AXIN1: variants seen among roughly 807,000 people sequenced by gnomAD.
AXIN1 encodes the protein axin-1.
Under a neutral mutation model 76.4 loss-of-function variants are expected in AXIN1, and 30 were observed. The ratio of observed to expected loss-of-function variants is 0.39; its 90% CI spans 0.29 to 0.53. AXIN1 has a LOEUF of 0.53. Among genes scored for constraint, AXIN1 ranks in the 20% least tolerant of loss-of-function variants. The pLI is 0.66. For missense variants in AXIN1, 1,140 were observed against 1,198.8 expected (o/e 0.95, Z 0.72); for synonymous variants, 545 against 501.4 (o/e 1.09, Z -1.16).
At chr16:341,423 G>T (rs751574893) in intron 2 of AXIN1, among the ~76,000 whole-genome samples, 27 of 152,258 alleles carry the variant, frequency 1.8e-4, no homozygotes, top group Non-Finnish European at 2.4e-4. Context: ...GGCTGCGGAG[G>T]GTGTGCTGGG....
At chr16:341,588 G>C (rs1471676354) in intron 2 of AXIN1, among the ~76,000 whole-genome samples, 1 of 152,254 alleles carries the variant, frequency 6.6e-6, no homozygotes, top group African/African-American at 2.4e-5. Context: ...TCCCCGACGA[G>C]CGCCCGGTCC....
At chr16:325,004 G>A (rs1597076744) in intron 2 of AXIN1, among the ~76,000 whole-genome samples, 3 of 152,308 alleles carry the variant, frequency 2.0e-5, no homozygotes, top group East Asian at 1.9e-4. Flanking sequence ...GGTGCTCAGC[G>A]GACCCGCACA....
At chr16:319,635 G>T (rs566427373) in intron 2 of AXIN1, among the ~76,000 whole-genome samples, 1 of 152,282 alleles carries the variant, frequency 6.6e-6, no homozygotes, top group Non-Finnish European at 1.5e-5. Flanking sequence ...GTGGAGAAAG[G>T]TGCTCCTCCT....
At chr16:291,604 G>A in intron 8 of AXIN1, 1 of 475,898 alleles carries the variant, frequency 2.1e-6, no homozygotes, top group South Asian at 2.0e-5. Context: ...ATCCCCTCTG[G>A]TGGGATGACA....
chr16:348,325 G>C (rs931099432), intron 1 of AXIN1, among the ~76,000 whole-genome samples: 2 of 152,220 alleles, frequency 1.3e-5, no homozygotes, highest in African/African-American at 4.8e-5. Flanking sequence ...AGCCTAGAGT[G>C]CTGAACAAGT....
In AXIN1 at chr16:304,323, C is replaced by T. The variant is rs774345751; in HGVS notation, c.1235G>A (p.Arg412Gln). The change falls in exon 5 of 11, where the codon CGG becomes CAG. Residue 412 changes from arginine to glutamine, a missense_variant. Around this residue, in one of 3 missense-constraint regions of AXIN1, gnomAD observed 708 missense variants for 776.9 expected, o/e 0.91. Transcript: ENST00000262320. Reference protein sequence around the residue: ...TREAEEKLEERLKRVRMEEEG... With the variant: ...TREAEEKLEEQLKRVRMEEEG... ...ACTCACCATGCGCACGCGCTTCAGC[C>T]GCTCCTCCAGCTTCTCCTCGGCCTC... 2.5e-5 allele frequency: 40 copies of T among 1,611,984 alleles called. No individual in the cohort carries two copies. Among genetic ancestry groups the T allele is most frequent in the Non-Finnish European group, 3.2e-5 (38 of 1,179,698 alleles).
At chr16:335,901 C>T (rs917760900) in intron 2 of AXIN1, among the ~76,000 whole-genome samples, 5 of 152,096 alleles carry the variant, frequency 3.3e-5, no homozygotes, top group African/African-American at 9.7e-5. Context: ...ATGAAAAAAA[C>T]GGCCATTATT....
chr16:320,954 G>A (rs890100928), intron 2 of AXIN1, among the ~76,000 whole-genome samples: 11 of 151,954 alleles, frequency 7.2e-5, no homozygotes, highest in South Asian at 2.1e-4. Flanking sequence ...TGGTCAGGCT[G>A]GTCTCGAACG....
At position 287,699 on chromosome 16, in the gene AXIN1, C is replaced by T. The variant is rs1016569946; in HGVS notation, c.*423G>A. 9 of 345,368 alleles carry T rather than the reference C, an allele frequency of 2.6e-5. No individual in the cohort carries two copies. The highest frequency in any genetic ancestry group is 4.4e-5 in the Admixed American group (1 of 22,836). 21.4% of individuals were successfully genotyped at this position (345,368 alleles called of 1,614,324 possible). The stretch of plus-strand genomic sequence containing the variant: ...GCTGTGTTGAAGGCACTCGGTGGCG[C>T]GTACAATTGACAGAGGCCCTGCAGG... On this transcript the variant is annotated 3_prime_UTR_variant, in exon 11 of 11. Coordinates refer to ENST00000262320, the MANE Select transcript of AXIN1 (RefSeq NM_003502.4).
At chr16:329,883 T>G (rs1243293692) in intron 2 of AXIN1, among the ~76,000 whole-genome samples, 1 of 151,558 alleles carries the variant, frequency 6.6e-6, no homozygotes, top group East Asian at 1.9e-4. Context: ...TCCACCCGCC[T>G]CAGCCTCCCA....
rs2052565064 is a variant in AXIN1, at chr16:291,675, C to A, written c.2187-378G>T. The A allele has an allele frequency of 2.2e-5, 8 of 360,072 alleles. No homozygotes were observed. The Admixed American group carries it at 3.2e-4, about 14-fold the overall frequency. The allele number at this position is 360,072 out of a possible 1,614,324, so 22.3% of individuals were successfully genotyped here. ...ATGAATTCCCCACCGATAGCGTGGA[C>A]ACTGGCTCTGGGGCGTGCGTGGCAA... On this transcript the variant is annotated intron_variant, in intron 8 of 10. Coordinates refer to ENST00000262320, the MANE Select transcript of AXIN1 (RefSeq NM_003502.4).
intron 2 of AXIN1, among the ~76,000 whole-genome samples, chr16:345,580 G>A (rs550900963): frequency 1.3e-5 from 2 of 152,274 alleles, no homozygotes; most frequent in East Asian, 3.9e-4. Context: ...CGGGCGTGGT[G>A]GCACATGCCT....
intron 2 of AXIN1, among the ~76,000 whole-genome samples, chr16:338,211 A>G (rs531563500): frequency 6.6e-6 from 1 of 152,210 alleles, no homozygotes; most frequent in Non-Finnish European, 1.5e-5. Flanking sequence ...GTGTGCGTCA[A>G]TTCAAATCTG....
chr16:293,269 C>T lies in AXIN1; in HGVS notation c.2186+219G>A. ...TCCAGAGCAATGAGCGCGGCGGCCT[C>T]GGGTGTGTGAAAGCTCCAGCCCCAG... is the stretch of plus-strand genomic sequence containing the variant. On this transcript the variant is annotated intron_variant, in intron 8 of 10. Transcript: ENST00000262320. The surrounding 1 kb of genome is among the most constrained non-coding windows in gnomAD (Gnocchi z 4.6). 4 of 603,728 alleles carry T rather than the reference C, an allele frequency of 6.6e-6. No homozygotes were observed. Among genetic ancestry groups the T allele is most frequent in the East Asian group, 5.5e-5 (2 of 36,094 alleles). 37.4% of individuals were successfully genotyped at this position (603,728 alleles called of 1,614,324 possible). A position where few individuals can be genotyped will look rare whatever the true frequency, so the allele number is the denominator to read the frequency against.
At chr16:301,198 G>A (rs904337917) in intron 5 of AXIN1, among the ~76,000 whole-genome samples, 3 of 151,748 alleles carry the variant, frequency 2.0e-5, no homozygotes, top group Non-Finnish European at 4.4e-5. Flanking sequence ...GTGAACCCGG[G>A]AGGCAGAGCT....
At chr16:304,216 C>A (rs1219676243) in intron 5 of AXIN1, 88 bp downstream of exon 5, 1 of 1,592,968 alleles carries the variant, frequency 6.3e-7, no homozygotes, top group South Asian at 1.1e-5. Flanking sequence ...CAGCCCCGGG[C>A]ATCCCCATGA....
chr16:295,425 G>T (rs2052685171), intron 7 of AXIN1, among the ~76,000 whole-genome samples: 1 of 151,852 alleles, frequency 6.6e-6, no homozygotes, highest in African/African-American at 2.4e-5. Context: ...GCTTTACTGG[G>T]ATACAAATTA....
At chr16:351,093 T>G (rs1023652508) in intron 1 of AXIN1, among the ~76,000 whole-genome samples, 1 of 147,596 alleles carries the variant, frequency 6.8e-6, no homozygotes, top group Non-Finnish European at 1.5e-5. Flanking sequence ...GATCACGCCA[T>G]TGGACTCCAG....
intron 3 of AXIN1, among the ~76,000 whole-genome samples, chr16:313,312 A>C (rs1000757583): frequency 3.9e-5 from 6 of 152,248 alleles, no homozygotes; most frequent in African/African-American, 1.4e-4. Context: ...AATGAAAAGA[A>C]CCATAAAAAT....
Sources: allele counts gnomAD v4.1 joint callset (sites outside exome capture counted in the v4.1 genomes callset), GRCh38; gene constraint gnomAD v4.1.1; regional missense constraint gnomAD v4.1.1; non-coding constraint Gnocchi (gnomAD v3.1); transcripts MANE v1.5; gene names NCBI Gene and HGNC (gene_info 2026-07-23, HGNC 2026-07-21).